The following MPP7 variants were observed in gnomAD, a reference collection of about 807,000 sequenced individuals.
The protein encoded by MPP7 is MAGUK p55 scaffold protein 7, also known as MAGUK p55 subfamily member 7.
Under a neutral mutation model 76.5 loss-of-function variants are expected in MPP7, and 60 were observed. The observed-to-expected ratio is 0.78, with a 90% CI of 0.64 to 0.97. MPP7 has a LOEUF of 0.97. Among genes scored for constraint, MPP7 ranks in the 50% least tolerant of loss-of-function variants. The pLI, the probability that MPP7 is intolerant of heterozygous loss-of-function variation, is 0.00. For synonymous variants in MPP7, 237 were observed against 244.5 expected (o/e 0.97, Z 0.29); for missense variants, 641 against 694.0 (o/e 0.92, Z 0.86).
chr10:28,069,634 C>T lies in MPP7; in HGVS notation c.1204+138G>A, dbSNP rs928630281. 29 of 486,220 alleles carry T rather than the reference C, an allele frequency of 6.0e-5. No homozygotes were observed. In the Middle Eastern group the frequency reaches 1.8e-3, roughly 30 times the overall value. The allele number at this position is 486,220 out of a possible 1,614,324, so 30.1% of individuals were successfully genotyped here. A position where few individuals can be genotyped will look rare whatever the true frequency, so the allele number is the denominator to read the frequency against. On this transcript the variant is annotated intron_variant, in intron 13 of 16. Coordinates refer to ENST00000683449, the MANE Select transcript of MPP7 (RefSeq NM_001318170.2). ...ACAAAACAAACAAAAAAAAAACTCA[C>T]ATGCCCCATAAATACATATACCTAC...
intron 12 of MPP7, among the ~76,000 whole-genome samples, chr10:28,075,933 G>C (rs1219904551): frequency 3.9e-5 from 6 of 152,158 alleles, no homozygotes; most frequent in Admixed American, 2.0e-4. Flanking sequence ...GCCCTAGTTA[G>C]ATTATTTATT....
Position 28,120,405 on chromosome 10 carries a change from T to C in MPP7, c.691-15A>G, listed in dbSNP as rs1209549423. 6.2e-7 allele frequency: 1 copy of C among 1,600,426 alleles called. No individual in the cohort carries two copies. Among genetic ancestry groups the C allele is most frequent in the Non-Finnish European group, 8.5e-7 (1 of 1,173,346 alleles). ...TTGATAAACATCTGGAAGAAAAGTT[T>C]CATTAAAGATGAATAAAGATAAAAA... On this transcript the variant is annotated splice_polypyrimidine_tract_variant and intron_variant, in intron 9 of 16. Transcript: ENST00000683449.
chr10:28,166,680 T>C (rs1836473268), intron 3 of MPP7, among the ~76,000 whole-genome samples: 1 of 152,138 alleles, frequency 6.6e-6, no homozygotes, highest in South Asian at 2.1e-4. Flanking sequence ...GTGCTGGGAT[T>C]ACAGGCGTGA....
intron 2 of MPP7, among the ~76,000 whole-genome samples, chr10:28,211,947 T>TA (rs1195819635): frequency 6.6e-6 from 1 of 151,922 alleles, no homozygotes; most frequent in Non-Finnish European, 1.5e-5. Context: ...AGATCTAACT[T>TA]ACATTACAAA....
intron 3 of MPP7, among the ~76,000 whole-genome samples, chr10:28,160,326 G>A (rs1410938864): frequency 2.6e-5 from 4 of 152,168 alleles, no homozygotes; most frequent in Non-Finnish European, 1.5e-5. Context: ...AAAGAGATGT[G>A]TACCATGGTT....
At chr10:28,308,429 C>A (rs972920911) in intron 2 of MPP7, among the ~76,000 whole-genome samples, 2 of 152,198 alleles carry the variant, frequency 1.3e-5, no homozygotes, top group Non-Finnish European at 2.9e-5. Flanking sequence ...GGAGAAAGGT[C>A]TCAAAGAAGC....
At chr10:28,246,414 T>C (rs1839437110) in intron 1 of MPP7, among the ~76,000 whole-genome samples, 1 of 152,164 alleles carries the variant, frequency 6.6e-6, no homozygotes, top group African/African-American at 2.4e-5. Context: ...GGGAGTTTGT[T>C]GCCACTATGC....
At chr10:28,209,239 A>T (rs1194711525) in intron 2 of MPP7, among the ~76,000 whole-genome samples, 1 of 152,132 alleles carries the variant, frequency 6.6e-6, no homozygotes, top group Non-Finnish European at 1.5e-5. Context: ...CCGAGGCAGG[A>T]ATATCGCTTG....
At chr10:28,070,649 T>C (rs1252643863) in intron 12 of MPP7, among the ~76,000 whole-genome samples, 1 of 152,216 alleles carries the variant, frequency 6.6e-6, no homozygotes, top group African/African-American at 2.4e-5. Context: ...TAGACTTCCT[T>C]AAGCATTTGA....
intron 1 of MPP7, among the ~76,000 whole-genome samples, chr10:28,245,287 G>C (rs1839395702): frequency 6.6e-6 from 1 of 152,086 alleles, no homozygotes; most frequent in Non-Finnish European, 1.5e-5. Flanking sequence ...CTCTACCGCA[G>C]AAACCAGTCC....
chr10:28,060,681 G>T (rs1851746264), intron 13 of MPP7, among the ~76,000 whole-genome samples: 2 of 152,184 alleles, frequency 1.3e-5, no homozygotes, highest in South Asian at 4.1e-4. Flanking sequence ...GGGACGGGGG[G>T]TAGAAAAAGT....
intron 5 of MPP7, among the ~76,000 whole-genome samples, chr10:28,141,815 T>C (rs1331398982): frequency 2.6e-5 from 4 of 152,094 alleles, no homozygotes; most frequent in Non-Finnish European, 2.9e-5. Context: ...GAAAATACAT[T>C]TGCAAGAATA....
intron 2 of MPP7, among the ~76,000 whole-genome samples, chr10:28,234,616 TATG>T (rs996127654): frequency 1.3e-5 from 2 of 152,184 alleles, no homozygotes; most frequent in Non-Finnish European, 2.9e-5. Flanking sequence ...CTCAGTGTGA[TATG>T]ATGACAATGG....
intron 5 of MPP7, among the ~76,000 whole-genome samples, chr10:28,136,768 T>C (rs1835366576): frequency 6.6e-6 from 1 of 152,084 alleles, no homozygotes; most frequent in Admixed American, 6.5e-5. Context: ...AGTAATACTG[T>C]AGAATAAGCA....
chr10:28,314,730 C>T (rs984765816), intron 2 of MPP7, among the ~76,000 whole-genome samples: 1 of 152,120 alleles, frequency 6.6e-6, no homozygotes, highest in Non-Finnish European at 1.5e-5. Context: ...GTGATTAATC[C>T]ACCCAAGAAG....
chr10:28,245,173 G>T (rs1448906315), intron 1 of MPP7, among the ~76,000 whole-genome samples: 2 of 152,050 alleles, frequency 1.3e-5, no homozygotes, highest in African/African-American at 2.4e-5. Context: ...TCCTCTAATT[G>T]TTGGGGGCAG....
chr10:28,120,178 T>C lies in MPP7; in HGVS notation c.887+16A>G. ...GTCAGCTGGAGAAAAGCCATTATTA[T>C]GTACCAGCAGCTCACCTTTCCTGGA... On this transcript the variant is annotated intron_variant, in intron 10 of 16. Coordinates refer to ENST00000683449, the MANE Select transcript of MPP7 (RefSeq NM_001318170.2). 1.9e-6 allele frequency: 3 copies of C among 1,609,848 alleles called. No homozygotes were observed. The highest frequency in any genetic ancestry group is 2.5e-6 in the Non-Finnish European group (3 of 1,178,094).
intron 2 of MPP7, among the ~76,000 whole-genome samples, chr10:28,208,867 AT>A (rs1409716336): frequency 1.3e-5 from 2 of 152,138 alleles, no homozygotes; most frequent in Admixed American, 6.5e-5. Flanking sequence ...TCTAAGTCTC[AT>A]GTTGAATTGT....
At chr10:28,222,851 C>CA (rs71908213) in intron 2 of MPP7, among the ~76,000 whole-genome samples, 26,983 of 117,274 alleles carry the variant, frequency 0.23, 2,974 homozygotes, top group East Asian at 0.49. Context: ...GACTCCATCT[C>CA]AAAAAAAAAA....
Sources: gnomAD v4.1 joint callset for allele counts (sites outside exome capture counted in the v4.1 genomes callset) on GRCh38, gnomAD v4.1.1 for gene constraint, MANE v1.5 for transcripts, NCBI Gene and HGNC (gene_info 2026-07-23, HGNC 2026-07-21) for gene names.